Variants in CENPF observed in about 807,000 individuals in gnomAD.
The protein encoded by CENPF is AH antigen.
CENPF carries 214 observed loss-of-function variants against 307.3 expected under a neutral mutation model. The ratio of observed to expected loss-of-function variants is 0.70; its 90% confidence interval spans 0.62 to 0.78. The LOEUF is 0.78. Among genes scored for constraint, CENPF ranks in the 30% least tolerant of loss-of-function variants. The probability of loss-of-function intolerance (pLI) is 0.00; values close to 1 mark genes in which losing one functional copy is unlikely to be tolerated. For synonymous variants in CENPF, 1,259 were observed against 1,270.6 expected (o/e 0.99, Z 0.19); for missense variants, 3,401 against 3,483.9 (o/e 0.98, Z 0.60).
chr1:214,649,629 T>C (rs892255808), intron 14 of CENPF, among the ~76,000 whole-genome samples: 3 of 152,200 alleles, frequency 2.0e-5, no homozygotes, highest in Non-Finnish European at 2.9e-5. Context: ...ATTTAATCTA[T>C]GAAAATGGAA....
chr1:214,622,227 A>G lies in CENPF; in HGVS notation c.1014A>G (p.Lys338=). ...ELIEKEKVLN[K]CRDELVRTTA... ...TTGAAAAAGAGAAAGTTTTGAACAAATGTAGGGATGAACTAGTGAGAACAA... is the reference window on the plus strand; with the variant it reads ...TTGAAAAAGAGAAAGTTTTGAACAAGTGTAGGGATGAACTAGTGAGAACAA... The change falls in exon 7 of 20, where the codon AAA becomes AAG. Residue 338 remains lysine, a synonymous_variant. Transcript: ENST00000366955. 1.2e-6 allele frequency: 2 copies of G among 1,614,108 alleles called. No homozygotes were observed. Among genetic ancestry groups the G allele is most frequent in the Non-Finnish European group, 1.7e-6 (2 of 1,179,982 alleles).
rs1325551617 is a variant in CENPF, at chr1:214,646,458, G to A, written c.6888G>A (p.Glu2296=). The A allele has an allele frequency of 1.2e-6, 2 of 1,613,972 alleles. No individual in the cohort carries two copies. Among genetic ancestry groups the A allele is most frequent in the Middle Eastern group, 1.6e-4 (1 of 6,084 alleles). The change falls in exon 13 of 20, where the codon GAG becomes GAA. Residue 2296 remains glutamate, a synonymous_variant. Transcript: ENST00000366955. ...EQSLDPPIEE[E]HQLRNSIEKL... is the part of the protein sequence containing the mutation. ...GTCTAGACCCACCAATAGAGGAAGA[G>A]CATCAGCTGAGAAATAGCATTGAAA...
chr1:214,653,964 ATTGC>A (rs1307639306), intron 16 of CENPF: 1 of 152,214 alleles, frequency 6.6e-6, no homozygotes, highest in Non-Finnish European at 1.5e-5. Flanking sequence ...TTACTGCAAC[ATTGC>A]TAATAAATAA....
At chr1:214,627,199 A>G (rs1445889229) in intron 7 of CENPF, among the ~76,000 whole-genome samples, 1 of 151,620 alleles carries the variant, frequency 6.6e-6, no homozygotes, top group African/African-American at 2.4e-5. Flanking sequence ...AGCTGAGGCT[A>G]TAGGCGCCCA....
rs1364829303 is a variant in CENPF at position 214,632,464 on chromosome 1, CTT to C, written c.1324-12_1324-11del. 1.2e-6 allele frequency: 2 copies of C among 1,605,172 alleles called. No homozygotes were observed. The highest frequency in any genetic ancestry group is 1.3e-5 in the African/African-American group (1 of 74,282). On this transcript the variant is annotated splice_polypyrimidine_tract_variant and intron_variant, in intron 9 of 19. Transcript: ENST00000366955. ...AGAACATGAAAATGAAACTTGGTCT[CTT>C]TTTCTTTTTGTAGCTCACATCAGTA...
rs547671011 is a variant in CENPF at position 214,603,933 on chromosome 1, G to A, written c.-42+612G>A. On this transcript the variant is annotated intron_variant, in intron 1 of 19. Transcript: ENST00000366955. ...CCGCCTTGGCCTCTGTAAGTGCCAG[G>A]ATTACAAGCATGAGCCACTACGCCC... Among the ~76,000 whole-genome samples the A allele has an allele frequency of 2.2e-4, 33 of 152,108 alleles. No homozygotes were observed. The South Asian group carries it at 6.9e-3, about 32-fold the overall frequency.
At position 214,663,734 on chromosome 1, in the gene CENPF, T is replaced by C. The variant is rs753443625; in HGVS notation, c.9285T>C (p.Leu3095=). The C allele has an allele frequency of 1.9e-6, 3 of 1,613,944 alleles. No homozygotes were observed. Among genetic ancestry groups the C allele is most frequent in the African/African-American group, 2.7e-5 (2 of 74,912 alleles). ...REGLRVKRGR[L]VPSPKAGLES... is the part of the protein sequence containing the mutation. ...GCCTGAGGGTCAAGCGAGGCCGACTTGTCCCCAGCCCCAAAGCTGGACTGG... is the reference window on the plus strand; with the variant it reads ...GCCTGAGGGTCAAGCGAGGCCGACTCGTCCCCAGCCCCAAAGCTGGACTGG... Residue 3095 remains leucine (L), a synonymous_variant, in exon 20 of 20, where the codon CTT becomes CTC. Transcript: ENST00000366955.
chr1:214,663,897 G>C lies in CENPF; in HGVS notation c.*103G>C, dbSNP rs558667649. On this transcript the variant is annotated 3_prime_UTR_variant, in exon 20 of 20. Transcript: ENST00000366955. ...AGTCAGGGCATGCTTTATTAGTGAGGAGAAAACAATTCCTTAGAAGTCTTA... is the reference window on the plus strand; with the variant it reads ...AGTCAGGGCATGCTTTATTAGTGAGCAGAAAACAATTCCTTAGAAGTCTTA... The C allele has an allele frequency of 2.7e-5, 23 of 852,730 alleles. No individual in the cohort carries two copies. Among genetic ancestry groups the C allele is most frequent in the Non-Finnish European group, 4.0e-5 (22 of 555,960 alleles). 52.8% of individuals were successfully genotyped at this position (852,730 alleles called of 1,614,324 possible). A position where few individuals can be genotyped will look rare whatever the true frequency, so the allele number is the denominator to read the frequency against.
At position 214,657,435 on chromosome 1, in the gene CENPF, A is replaced by G. The variant is rs181429906; in HGVS notation, c.8962+26A>G. 2.7e-6 allele frequency: 4 copies of G among 1,506,846 alleles called. No individual in the cohort carries two copies. The East Asian group carries it at 6.8e-5, about 26-fold the overall frequency. 93.3% of individuals were successfully genotyped at this position (1,506,846 alleles called of 1,614,324 possible). On this transcript the variant is annotated intron_variant, in intron 18 of 19. Coordinates refer to ENST00000366955, the MANE Select transcript of CENPF (RefSeq NM_016343.4). ...GTATGCCTAATTTAAAGACAAAATT[A>G]TTTGTGTTCTTTTGAAATTCCATAT...
At chr1:214,608,223 A>G (rs768147610) in intron 1 of CENPF, 32 of 1,336,462 alleles carry the variant, frequency 2.4e-5, no homozygotes, top group Non-Finnish European at 3.3e-5. Context: ...AGAGCCGCCC[A>G]CCTTCCTCCC....
At position 214,651,799 on chromosome 1, in the gene CENPF, A is replaced by G; in HGVS notation, c.8073A>G (p.Lys2691=). Residue 2691 remains lysine, a synonymous_variant, in exon 15 of 20, where the codon AAA becomes AAG. Transcript: ENST00000366955. ...MHKDQVEKEG[K]VREEIAEYQL... ...AAGACCAGGTGGAAAAGGAAGGGAA[A>G]GTGAGAGAGGAAATAGCTGAATATC... 1 of 1,613,798 alleles carries G rather than the reference A, an allele frequency of 6.2e-7. No individual in the cohort carries two copies. The highest frequency in any genetic ancestry group is 8.5e-7 in the Non-Finnish European group (1 of 1,179,894).
Position 214,658,998 on chromosome 1 carries a change from A to AC in CENPF, c.9113dup (p.Thr3039AsnfsTer36). 1 of 1,614,076 alleles carries AC rather than the reference A, an allele frequency of 6.2e-7. No individual in the cohort carries two copies. The highest frequency in any genetic ancestry group is 8.5e-7 in the Non-Finnish European group (1 of 1,179,980). On this transcript the variant is annotated frameshift_variant, in exon 19 of 20. Transcript: ENST00000366955. LOFTEE classifies it low-confidence loss of function (END_TRUNC). Reference sequence around the variant, plus strand: ...AAGAAAATCTTGCAGAGTCCTCCAAACCAACAGCTGGTGGCAGCAGATCAC... The same window carrying AC: ...AAGAAAATCTTGCAGAGTCCTCCAAACCCAACAGCTGGTGGCAGCAGATCAC...
chr1:214,622,424 A>G (rs1486339774), intron 7 of CENPF, 143 bp downstream of exon 7: 1 of 761,310 alleles, frequency 1.3e-6, no homozygotes, highest in African/African-American at 1.8e-5. Context: ...CAACTGAACT[A>G]GAAAGCTGTT....
At chr1:214,663,416 C>G (rs1428303004) in intron 19 of CENPF, among the ~76,000 whole-genome samples, 175 bp from the exon 20 acceptor site, 1 of 152,172 alleles carries the variant, frequency 6.6e-6, no homozygotes, top group African/African-American at 2.4e-5. Context: ...ACCTGGTATC[C>G]TCCTAAGTTC....
Position 214,619,272 on chromosome 1 carries a change from A to G in CENPF, c.573+52A>G, listed in dbSNP as rs775069080. Reference sequence around the variant, plus strand: ...GAGTATGCAGTTATAGAATACTTTGATATAGAATAGAACAAGGTTAGAGAA... The same window carrying G: ...GAGTATGCAGTTATAGAATACTTTGGTATAGAATAGAACAAGGTTAGAGAA... On this transcript the variant is annotated intron_variant, in intron 5 of 19. Transcript: ENST00000366955. The G allele has an allele frequency of 1.1e-5, 10 of 895,678 alleles. No homozygotes were observed. The African/African-American group carries it at 1.7e-4, about 15-fold the overall frequency. 55.5% of individuals were successfully genotyped at this position (895,678 alleles called of 1,614,324 possible).
At chr1:214,616,695 T>C (rs911628805) in intron 3 of CENPF, among the ~76,000 whole-genome samples, 1 of 152,146 alleles carries the variant, frequency 6.6e-6, no homozygotes, top group South Asian at 2.1e-4. Context: ...TAAGCTCAGA[T>C]GTGGTGGTTT....
At chr1:214,660,803 T>C (rs1658769608) in intron 19 of CENPF, among the ~76,000 whole-genome samples, 1 of 152,216 alleles carries the variant, frequency 6.6e-6, no homozygotes, top group Non-Finnish European at 1.5e-5. Context: ...TGTAATCTCT[T>C]GTTTAAATAT....
rs548936057 is a variant in CENPF at position 214,620,828 on chromosome 1, A to G, written c.747A>G (p.Glu249=). 3 of 1,614,196 alleles carry G rather than the reference A, an allele frequency of 1.9e-6. No homozygotes were observed. The highest frequency in any genetic ancestry group is 1.1e-5 in the South Asian group (1 of 91,084). The change falls in exon 6 of 20, where the codon GAA becomes GAG. Residue 249 remains glutamate, a synonymous_variant. Coordinates refer to ENST00000366955, the MANE Select transcript of CENPF (RefSeq NM_016343.4). ...TCTCTGCATCTTACTTTTCTGGGGA[A>G]CAAGAGGTGACTCCAAGTCGATCAA... ...RDFSASYFSG[E]QEVTPSRSTL... is the part of the protein sequence containing the mutation.
rs373916262 is a variant in CENPF at position 214,657,362 on chromosome 1, A to G, written c.8915A>G (p.Glu2972Gly). Residue 2972 changes from glutamate (E) to glycine (G), a missense_variant, in exon 18 of 20, where the codon GAA (glutamate) becomes GGA (glycine). Transcript: ENST00000366955. ...MSGIHPAEDTEGTEFEPEGLP... is the reference protein window; with the variant it reads ...MSGIHPAEDTGGTEFEPEGLP... ...GGTATTCACCCTGCAGAAGACACGGAAGGTACTGAGTTTGAGCCAGAGGGA... is the reference window on the plus strand; with the variant it reads ...GGTATTCACCCTGCAGAAGACACGGGAGGTACTGAGTTTGAGCCAGAGGGA... 3.1e-6 allele frequency: 5 copies of G among 1,612,394 alleles called. No individual in the cohort carries two copies. Among genetic ancestry groups the G allele is most frequent in the East Asian group, 2.2e-5 (1 of 44,880 alleles).
Sources: gnomAD v4.1 joint callset for allele counts (sites outside exome capture counted in the v4.1 genomes callset) on GRCh38, gnomAD v4.1.1 for gene constraint, MANE v1.5 for transcripts, NCBI Gene and HGNC (gene_info 2026-07-23, HGNC 2026-07-21) for gene names.